The following SEMA3A variants were observed in gnomAD, a reference collection of about 807,000 sequenced individuals.
SEMA3A encodes semaphorin-3A.
SEMA3A carries 29 observed loss-of-function variants against 97.9 expected under a neutral mutation model. That is an observed-to-expected ratio of 0.30 (90% CI 0.22 to 0.40). The LOEUF (loss-of-function observed/expected upper bound fraction) is 0.40, where lower values mean the gene tolerates loss of function less well. Among genes scored for constraint, SEMA3A ranks in the 10% least tolerant of loss-of-function variants. The probability of loss-of-function intolerance (pLI) is 1.00; values close to 1 mark genes in which losing one functional copy is unlikely to be tolerated. For missense variants in SEMA3A, 763 were observed against 951.3 expected (o/e 0.80, Z 2.60); for synonymous variants, 321 against 323.7 (o/e 0.99, Z 0.09).
chr7:84,265,703 C>CT (rs1031481068), intron 3 of SEMA3A, among the ~76,000 whole-genome samples: 1 of 151,768 alleles, frequency 6.6e-6, no homozygotes, highest in African/African-American at 2.4e-5. Context: ...CACAGTAGTT[C>CT]TGTCTACACT....
rs60907885 is a variant in SEMA3A, at chr7:84,325,117, CTCTATCTATCTATCTA to C, written c.-168-17841_-168-17826del. On this transcript the variant is annotated intron_variant, in intron 2 of 3. Coordinates refer to the SEMA3A transcript ENST00000424555. Reference sequence around the variant, plus strand: ...CTGTCACAATGGAGAATGTATATATCTCTATCTATCTATCTATCTATCTATCTATCTATCTATCTAT... The same window carrying C: ...CTGTCACAATGGAGAATGTATATATCTCTATCTATCTATCTATCTATCTAT... 9.8e-3 allele frequency among the ~76,000 whole-genome samples: 1,465 copies of C among 149,158 alleles called. 25 individuals carry two copies. Among genetic ancestry groups the C allele is most frequent in the African/African-American group, 0.032 (1,291 of 40,410 alleles).
chr7:84,169,618 T>C (rs527327352), intron 1 of SEMA3A, among the ~76,000 whole-genome samples: 17 of 151,102 alleles, frequency 1.1e-4, no homozygotes, highest in African/African-American at 3.1e-4. Flanking sequence ...GATGGAATAA[T>C]TTTTCCAGAA....
At chr7:84,061,638 T>C (rs187619942) in intron 4 of SEMA3A, among the ~76,000 whole-genome samples, 43 of 152,334 alleles carry the variant, frequency 2.8e-4, no homozygotes, top group African/African-American at 9.9e-4. Context: ...GTGTCCATTT[T>C]ATGATCAGTA....
intron 4 of SEMA3A, among the ~76,000 whole-genome samples, chr7:84,079,237 A>G (rs964970791): frequency 4.1e-4 from 62 of 152,180 alleles, no homozygotes; most frequent in African/African-American, 1.3e-3. Flanking sequence ...TCGACCTAAA[A>G]CCATAAAAAC....
intron 1 of SEMA3A, among the ~76,000 whole-genome samples, chr7:84,373,725 A>C (rs1803030656): frequency 1.3e-5 from 2 of 152,074 alleles, no homozygotes; most frequent in Non-Finnish European, 2.9e-5. Context: ...AATAACTAAG[A>C]TTTTCTGAGC....
chr7:84,475,766 G>C (rs1019898405), intron 1 of SEMA3A, among the ~76,000 whole-genome samples: 4 of 152,124 alleles, frequency 2.6e-5, no homozygotes, highest in African/African-American at 4.8e-5. Context: ...TGTGGCACTT[G>C]TTTCTGCTTT....
chr7:84,195,691 C>T (rs1335363148), upstream of SEMA3A, among the ~76,000 whole-genome samples: 1 of 152,102 alleles, frequency 6.6e-6, no homozygotes, highest in African/African-American at 2.4e-5. Flanking sequence ...AATTTAAAAA[C>T]GTCTATGGTT....
chr7:84,148,285 C>T (rs1796525149), intron 1 of SEMA3A, among the ~76,000 whole-genome samples: 1 of 151,768 alleles, frequency 6.6e-6, no homozygotes, highest in African/African-American at 2.4e-5. Flanking sequence ...TATGGCATTC[C>T]TAGCTATGTC....
intron 16 of SEMA3A, among the ~76,000 whole-genome samples, chr7:83,962,395 T>C (rs73180180): frequency 0.095 from 14,488 of 152,132 alleles, 962 homozygotes; most frequent in African/African-American, 0.18. Flanking sequence ...CAGTTTACAA[T>C]AGAGGTCTCA....
At chr7:84,367,439 T>C (rs536917996) in intron 2 of SEMA3A, among the ~76,000 whole-genome samples, 1 of 151,318 alleles carries the variant, frequency 6.6e-6, no homozygotes, top group African/African-American at 2.4e-5. Flanking sequence ...ATGTGCATAA[T>C]TAAAATACCG....
At chr7:84,115,269 ACT>A (rs1414159100) in intron 3 of SEMA3A, among the ~76,000 whole-genome samples, 1 of 151,946 alleles carries the variant, frequency 6.6e-6, no homozygotes, top group Non-Finnish European at 1.5e-5. Flanking sequence ...CTAAATGAAG[ACT>A]CTCTGTACAA....
intron 9 of SEMA3A, among the ~76,000 whole-genome samples, chr7:84,009,924 A>C (rs1049924414): frequency 6.6e-6 from 1 of 150,918 alleles, no homozygotes; most frequent in South Asian, 2.1e-4. Flanking sequence ...AAAAAAAAAA[A>C]AAAACCCAGT....
At chr7:84,439,870 T>C (rs1425131788) in intron 1 of SEMA3A, among the ~76,000 whole-genome samples, 2 of 152,186 alleles carry the variant, frequency 1.3e-5, no homozygotes, top group Non-Finnish European at 2.9e-5. Context: ...TTTTAAATGA[T>C]GAAAATTTAA....
intron 6 of SEMA3A, among the ~76,000 whole-genome samples, chr7:84,043,875 G>A (rs1357347878): frequency 6.6e-6 from 1 of 152,134 alleles, no homozygotes; most frequent in African/African-American, 2.4e-5. Flanking sequence ...GACAATGCCT[G>A]TGTTTTCCCA....
chr7:84,276,710 T>G (rs904823550), intron 3 of SEMA3A, among the ~76,000 whole-genome samples: 1 of 152,132 alleles, frequency 6.6e-6, no homozygotes, highest in Non-Finnish European at 1.5e-5. Flanking sequence ...TTAAAATCAA[T>G]TTAACACAAT....
At chr7:84,223,764 TATC>T (rs1392485797) in intron 3 of SEMA3A, among the ~76,000 whole-genome samples, 1 of 151,828 alleles carries the variant, frequency 6.6e-6, no homozygotes, top group Non-Finnish European at 1.5e-5. Context: ...GAATTCCAGA[TATC>T]ATGAACTTTA....
intron 12 of SEMA3A, among the ~76,000 whole-genome samples, chr7:83,992,329 T>C (rs1195267023): frequency 5.0e-4 from 72 of 144,178 alleles, no homozygotes; most frequent in Non-Finnish European, 8.9e-4. Flanking sequence ...TCAGTTCTGC[T>C]CTGATTTTAG....
chr7:83,972,194 C>A (rs1240010966), intron 15 of SEMA3A, among the ~76,000 whole-genome samples: 3 of 151,830 alleles, frequency 2.0e-5, no homozygotes, highest in African/African-American at 7.2e-5. Flanking sequence ...CAGTATCTTA[C>A]TTTCAGAGAT....
At chr7:84,241,262 C>T (rs1407136701) in intron 3 of SEMA3A, among the ~76,000 whole-genome samples, 3 of 152,152 alleles carry the variant, frequency 2.0e-5, no homozygotes, top group African/African-American at 7.2e-5. Flanking sequence ...TCTTCTCCAG[C>T]ATCTGTTGTT....
Sources: allele counts gnomAD v4.1 joint callset (sites outside exome capture counted in the v4.1 genomes callset), GRCh38; gene constraint gnomAD v4.1.1; transcripts MANE v1.5; gene names NCBI Gene and HGNC (gene_info 2026-07-23, HGNC 2026-07-21).